The following PASD1 variants were observed in gnomAD, a reference collection of about 807,000 sequenced individuals.
PASD1 encodes the protein PAS domain containing repressor 1, also known as circadian clock protein PASD1.
PASD1 carries 13 observed loss-of-function variants against 58.8 expected under a neutral mutation model. The ratio of observed to expected loss-of-function variants is 0.22; its 90% CI spans 0.14 to 0.35. PASD1 has a LOEUF of 0.35. Among genes scored for constraint, PASD1 ranks in the 10% least tolerant of loss-of-function variants. The pLI is 1.00. For missense variants in PASD1, 734 were observed against 568.3 expected (o/e 1.29, Z -2.96); for synonymous variants, 236 against 216.7 (o/e 1.09, Z -0.78).
intron 8 of PASD1, among the ~76,000 whole-genome samples, chrX:151,646,633 T>C (rs137919556): frequency 0.02 from 2,245 of 112,828 alleles, 43 homozygotes; most frequent in African/African-American, 0.068. Context: ...TATAAAGTTA[T>C]GCACTATTTA....
intron 9 of PASD1, among the ~76,000 whole-genome samples, chrX:151,651,253 CTT>C (rs2014125364): frequency 1.8e-5 from 2 of 112,142 alleles, no homozygotes; most frequent in Non-Finnish European, 3.8e-5. Flanking sequence ...GTCCCAAATA[CTT>C]CTCTTAATGA....
At chrX:151,629,725 A>G (rs1311302997) in intron 8 of PASD1, among the ~76,000 whole-genome samples, 1 of 112,322 alleles carries the variant, frequency 8.9e-6, no homozygotes, top group Non-Finnish European at 1.9e-5. Context: ...CAATAGCAGC[A>G]CACTGACATG....
At chrX:151,630,417 C>T (rs1377238526) in intron 8 of PASD1, among the ~76,000 whole-genome samples, 1 of 112,112 alleles carries the variant, frequency 8.9e-6, no homozygotes, top group Non-Finnish European at 1.9e-5. Context: ...TTGATCTTAT[C>T]AAAATGGTAA....
chrX:151,593,697 A>G (rs1480262971), intron 1 of PASD1, among the ~76,000 whole-genome samples: 1 of 111,519 alleles, frequency 9.0e-6, no homozygotes, highest in East Asian at 2.8e-4. Flanking sequence ...TAGTGCTGCA[A>G]TAAACATATG....
At chrX:151,602,392 C>G (rs187172645) in intron 2 of PASD1, among the ~76,000 whole-genome samples, 7,131 of 111,120 alleles carry the variant, frequency 0.064, 224 homozygotes, top group African/African-American at 0.11. Flanking sequence ...ATGTCACTCT[C>G]CTGCTTAAAA....
chrX:151,586,576 G>A (rs755639830), intron 1 of PASD1, among the ~76,000 whole-genome samples: 2 of 111,508 alleles, frequency 1.8e-5, no homozygotes, highest in African/African-American at 3.3e-5. Context: ...ACAGGACCTA[G>A]TATGTATGTA....
chrX:151,660,123 G>A (rs1010255409), intron 10 of PASD1, among the ~76,000 whole-genome samples: 3 of 111,791 alleles, frequency 2.7e-5, no homozygotes, highest in South Asian at 3.7e-4. Context: ...TTTTATACTC[G>A]TGTAGTCTAT....
intron 11 of PASD1, among the ~76,000 whole-genome samples, chrX:151,668,891 CA>C (rs1382382508): frequency 1.0e-5 from 1 of 100,410 alleles, no homozygotes; most frequent in Non-Finnish European, 2.0e-5. Context: ...CAAAGCCTGG[CA>C]GAGACACAAC....
intron 1 of PASD1, among the ~76,000 whole-genome samples, chrX:151,595,160 T>C (rs1308411190): frequency 1.8e-5 from 2 of 112,074 alleles, no homozygotes; most frequent in East Asian, 5.6e-4. Context: ...TGAGTTTATA[T>C]TTTTCATCCA....
intron 11 of PASD1, among the ~76,000 whole-genome samples, chrX:151,668,933 A>T: frequency 1.0e-5 from 1 of 95,602 alleles, no homozygotes; most frequent in African/African-American, 3.8e-5. Context: ...TTTTTTTCAG[A>T]GATGGGGTTT....
At chrX:151,613,134 G>A (rs1053144896) in intron 4 of PASD1, among the ~76,000 whole-genome samples, 6 of 111,379 alleles carry the variant, frequency 5.4e-5, no homozygotes, top group East Asian at 2.8e-4. Context: ...TTGTAGATAC[G>A]TGGCATTATT....
rs1462679858 is a variant in PASD1 at position 151,659,855 on chromosome X, T to C, written c.841+19T>C. ...TCTCCAGGTAGGTACATTTATGCAT[T>C]TGGATAGGGACTATTAGAAGAAAAA... is the stretch of plus-strand genomic sequence containing the variant. On this transcript the variant is annotated intron_variant, in intron 10 of 15. Coordinates refer to ENST00000370357, the MANE Select transcript of PASD1 (RefSeq NM_173493.3). 1 of 1,194,911 alleles carries C rather than the reference T, an allele frequency of 8.4e-7. No individual in the cohort carries two copies.
In PASD1 at chrX:151,637,356, G is replaced by A. The variant is rs150478823; in HGVS notation, c.630-11259G>A. On this transcript the variant is annotated intron_variant, in intron 8 of 15. Transcript: ENST00000370357. ...TTTTGCATTCCTACTGGCAATGTAT[G>A]GGAGTTTTTGTTTGTTTTTTGTTTG... 2.5e-4 allele frequency among the ~76,000 whole-genome samples: 28 copies of A among 111,659 alleles called. No individual in the cohort carries two copies. The East Asian group carries it at 7.9e-3, about 32-fold the overall frequency.
At chrX:151,601,481 C>A in intron 1 of PASD1, 46 bp from the exon 2 acceptor site, 1 of 1,011,585 alleles carries the variant, frequency 9.9e-7, no homozygotes, top group Middle Eastern at 2.8e-4. Context: ...CTGTGATTCA[C>A]CATAGACTGA....
chrX:151,577,087 G>A (rs924259387), intron 1 of PASD1, among the ~76,000 whole-genome samples: 6 of 111,394 alleles, frequency 5.4e-5, no homozygotes, highest in African/African-American at 1.6e-4. Flanking sequence ...TTAGTTATAC[G>A]GGAGGCTTAG....
intron 1 of PASD1, among the ~76,000 whole-genome samples, chrX:151,599,287 C>T (rs12833847): frequency 0.25 from 27,616 of 109,574 alleles, 3,003 homozygotes; most frequent in Non-Finnish European, 0.32. Context: ...CTTTTCTATT[C>T]GACAAAACCG....
chrX:151,612,918 C>G (rs1466019259), intron 4 of PASD1, among the ~76,000 whole-genome samples: 1 of 111,642 alleles, frequency 9.0e-6, no homozygotes, highest in African/African-American at 3.3e-5. Flanking sequence ...ATGGTATTGT[C>G]TAGGTTTTCT....
chrX:151,668,050 G>A (rs1296119653), intron 11 of PASD1, among the ~76,000 whole-genome samples: 1 of 111,268 alleles, frequency 9.0e-6, no homozygotes, highest in Non-Finnish European at 1.9e-5. Flanking sequence ...ATGTTGAATA[G>A]GAGTGGTGAG....
At chrX:151,670,960 T>G (rs2014459022) in intron 11 of PASD1, 78 bp from the exon 12 acceptor site, 1 of 1,046,817 alleles carries the variant, frequency 9.6e-7, no homozygotes, top group Non-Finnish European at 1.3e-6. Flanking sequence ...TTTCAGAAAT[T>G]TTGAAGTGAA....
Sources: allele counts gnomAD v4.1 joint callset (sites outside exome capture counted in the v4.1 genomes callset), GRCh38; gene constraint gnomAD v4.1.1; transcripts MANE v1.5; gene names NCBI Gene and HGNC (gene_info 2026-07-23, HGNC 2026-07-21).